NTRK2: variants seen among roughly 807,000 people sequenced by gnomAD.
NTRK2 encodes neurotrophic receptor tyrosine kinase 2, also known as BDNF/NT-3 growth factors receptor.
In NTRK2, 13 loss-of-function variants were observed where a neutral mutation model predicts 94.5. That is an observed-to-expected ratio of 0.14 (90% CI 0.09 to 0.22). NTRK2 has a LOEUF of 0.22. Among genes scored for constraint, NTRK2 ranks in the 10% least tolerant of loss-of-function variants. NTRK2 has a pLI of 1.00. For synonymous variants in NTRK2, 372 were observed against 407.4 expected, an observed-to-expected ratio of 0.91 and a Z score of 1.05; for missense variants, 639 against 1,071.2, an observed-to-expected ratio of 0.60 and a Z score of 5.63.
intron 14 of NTRK2, among the ~76,000 whole-genome samples, chr9:84,890,243 G>A (rs190521590): frequency 1.3e-5 from 2 of 152,242 alleles, no homozygotes; most frequent in African/African-American, 2.4e-5. Context: ...TCTTGTTAAG[G>A]TCTTCAATAA....
chr9:84,671,081 G>A (rs1250031707), intron 2 of NTRK2, 121 bp downstream of exon 2: 15 of 878,308 alleles, frequency 1.7e-5, no homozygotes, highest in Non-Finnish European at 2.7e-5. Context: ...GACAAGGGAT[G>A]CAGGACAGGG....
intron 12 of NTRK2, among the ~76,000 whole-genome samples, chr9:84,816,478 T>G (rs1587479528): frequency 1.3e-5 from 2 of 151,906 alleles, no homozygotes; most frequent in South Asian, 4.2e-4. Flanking sequence ...ATACTGCCCC[T>G]CTTATAAAAG....
At chr9:84,772,246 T>A (rs2066623374) in intron 12 of NTRK2, among the ~76,000 whole-genome samples, 1 of 152,126 alleles carries the variant, frequency 6.6e-6, no homozygotes, top group Non-Finnish European at 1.5e-5. Context: ...TTACTTGTTC[T>A]CCCTATAAAC....
At chr9:84,956,211 T>A (rs1193530846) in intron 17 of NTRK2, among the ~76,000 whole-genome samples, 1 of 152,354 alleles carries the variant, frequency 6.6e-6, no homozygotes, top group African/African-American at 2.4e-5. Context: ...AAGCGCCATC[T>A]TGGTTGAAAG....
At chr9:85,011,914 C>G (rs1831619292) in intron 17 of NTRK2, among the ~76,000 whole-genome samples, 2 of 150,918 alleles carry the variant, frequency 1.3e-5, no homozygotes, top group South Asian at 4.2e-4. Context: ...AAGAACATGC[C>G]TGACCTACCC....
chr9:84,966,277 C>A (rs542497935), intron 17 of NTRK2, among the ~76,000 whole-genome samples: 2 of 152,184 alleles, frequency 1.3e-5, no homozygotes, highest in Non-Finnish European at 2.9e-5. Context: ...CATCTGAATA[C>A]CCCAGAGTGT....
At chr9:84,772,471 C>T (rs2066651817) in intron 12 of NTRK2, among the ~76,000 whole-genome samples, 1 of 152,152 alleles carries the variant, frequency 6.6e-6, no homozygotes, top group South Asian at 2.1e-4. Context: ...TGGTTTCAAA[C>T]TTCTGGCCTT....
rs2118022471 is a variant in NTRK2, at chr9:85,021,438, G to A, written c.*1G>A. 6.2e-7 allele frequency: 1 copy of A among 1,614,062 alleles called. No individual in the cohort carries two copies. The highest frequency in any genetic ancestry group is 8.5e-7 in the Non-Finnish European group (1 of 1,180,002). ...GGTCTACCTGGACATTCTAGGCTAG[G>A]GCCCTTTTCCCCAGACCGATCCTTC... is the stretch of plus-strand genomic sequence containing the variant. On this transcript the variant is annotated 3_prime_UTR_variant, in exon 19 of 19. Coordinates refer to ENST00000277120, the MANE Select transcript of NTRK2 (RefSeq NM_006180.6).
At chr9:84,709,453 A>G (rs1247985499) in intron 5 of NTRK2, among the ~76,000 whole-genome samples, 1 of 152,152 alleles carries the variant, frequency 6.6e-6, no homozygotes, top group African/African-American at 2.4e-5. Flanking sequence ...TCCATATCTC[A>G]TAACATCAAA....
chr9:84,780,185 A>G (rs1314540197), intron 12 of NTRK2, among the ~76,000 whole-genome samples: 1 of 152,106 alleles, frequency 6.6e-6, no homozygotes, highest in Non-Finnish European at 1.5e-5. Context: ...CAGTTGTCAT[A>G]CTATGAACCC....
chr9:84,795,307 C>G (rs2069176990), intron 12 of NTRK2, among the ~76,000 whole-genome samples: 1 of 152,148 alleles, frequency 6.6e-6, no homozygotes, highest in Non-Finnish European at 1.5e-5. Flanking sequence ...CCGTGACCCC[C>G]AACACTAAGA....
intron 17 of NTRK2, among the ~76,000 whole-genome samples, chr9:84,977,402 A>G (rs1280047429): frequency 3.9e-5 from 6 of 152,216 alleles, no homozygotes; most frequent in Non-Finnish European, 8.8e-5. Context: ...GCAAAAAAAC[A>G]TGGTTCTAAA....
intron 2 of NTRK2, among the ~76,000 whole-genome samples, chr9:84,674,111 T>C (rs1200666556): frequency 8.4e-6 from 1 of 119,168 alleles, no homozygotes; most frequent in African/African-American, 2.6e-5. Flanking sequence ...TGCATTTTTT[T>C]AGCTGTGGTA....
chr9:84,740,136 G>T (rs900425633), intron 9 of NTRK2, among the ~76,000 whole-genome samples: 4 of 152,178 alleles, frequency 2.6e-5, no homozygotes, highest in African/African-American at 7.2e-5. Context: ...TTCAGCAGGG[G>T]TAGTAAATTC....
chr9:84,708,006 T>C, intron 5 of NTRK2, 94 bp downstream of exon 5: 1 of 950,870 alleles, frequency 1.1e-6, no homozygotes, highest in East Asian at 2.4e-5. Flanking sequence ...TGCAGATCTA[T>C]TTTTATACCA....
chr9:85,014,377 G>A (rs148905658), intron 17 of NTRK2, among the ~76,000 whole-genome samples: 1 of 152,146 alleles, frequency 6.6e-6, no homozygotes, highest in Non-Finnish European at 1.5e-5. Context: ...CCTCGTTAAC[G>A]TGTGCCAAGG....
intron 14 of NTRK2, among the ~76,000 whole-genome samples, chr9:84,921,524 T>C (rs979795012): frequency 6.6e-6 from 1 of 152,212 alleles, no homozygotes; most frequent in Non-Finnish European, 1.5e-5. Flanking sequence ...ATCTGGTGGC[T>C]GCAGAGAAAG....
At chr9:84,906,016 A>G (rs2077065479) in intron 14 of NTRK2, among the ~76,000 whole-genome samples, 1 of 152,226 alleles carries the variant, frequency 6.6e-6, no homozygotes, top group Non-Finnish European at 1.5e-5. Flanking sequence ...TTCGATTTCC[A>G]ATACTTTGCA....
At chr9:84,873,604 G>A in intron 14 of NTRK2, 1 of 1,053,112 alleles carries the variant, frequency 9.5e-7, no homozygotes. Context: ...AAAGCAACTT[G>A]AGTTTCTTAA....
Sources: allele counts gnomAD v4.1 joint callset (sites outside exome capture counted in the v4.1 genomes callset), GRCh38; gene constraint gnomAD v4.1.1; transcripts MANE v1.5; gene names NCBI Gene and HGNC (gene_info 2026-07-23, HGNC 2026-07-21).